The following AVEN variants were observed in gnomAD, a reference collection of about 807,000 sequenced individuals.
AVEN encodes apoptosis and caspase activation inhibitor.
A neutral mutation model predicts 38.1 loss-of-function variants in AVEN; 41 were observed. That is an observed-to-expected ratio of 1.08 (90% CI 0.84 to 1.40). The LOEUF is 1.40. AVEN is among the 40% of genes most tolerant of loss of function. AVEN has a pLI of 0.00. For missense variants in AVEN, 605 were observed against 438.8 expected (o/e 1.38, Z -3.38); for synonymous variants, 206 against 171.8 (o/e 1.20, Z -1.56).
intron 5 of AVEN, among the ~76,000 whole-genome samples, chr15:34,044,416 C>T (rs1338832812): frequency 6.6e-6 from 1 of 152,112 alleles, no homozygotes; most frequent in Non-Finnish European, 1.5e-5. Flanking sequence ...TTGTTGTTTC[C>T]AGAACAATAC....
chr15:34,053,091 G>C (rs1421664072), intron 5 of AVEN, among the ~76,000 whole-genome samples: 2 of 151,758 alleles, frequency 1.3e-5, no homozygotes, highest in Non-Finnish European at 2.9e-5. Context: ...CTTGAGATCA[G>C]GAATTTGAGA....
At chr15:33,938,793 C>G (rs575789374) in intron 2 of AVEN, among the ~76,000 whole-genome samples, 33 of 152,294 alleles carry the variant, frequency 2.2e-4, no homozygotes, top group Admixed American at 1.4e-3. Flanking sequence ...ATCATGCTCC[C>G]TACCAAACCG....
intron 2 of AVEN, among the ~76,000 whole-genome samples, chr15:33,976,059 C>T (rs1276439650): frequency 6.6e-6 from 1 of 152,208 alleles, no homozygotes; most frequent in Non-Finnish European, 1.5e-5. Context: ...CTGCAATTTA[C>T]TTGCTTTTGC....
At chr15:34,013,821 G>A (rs1897743077) in intron 1 of AVEN, among the ~76,000 whole-genome samples, 1 of 152,150 alleles carries the variant, frequency 6.6e-6, no homozygotes, top group South Asian at 2.1e-4. Flanking sequence ...ACAGGCTGAG[G>A]GAAGAGTATG....
chr15:34,017,484 GT>G (rs60119659), intron 1 of AVEN, among the ~76,000 whole-genome samples: 3,181 of 107,310 alleles, frequency 0.03, 93 homozygotes, highest in African/African-American at 0.074. Context: ...TTTTTTTTTT[GT>G]TTTTTTTTTT....
chr15:33,893,491 T>C (rs1720284660), intron 2 of AVEN, among the ~76,000 whole-genome samples: 2 of 152,104 alleles, frequency 1.3e-5, no homozygotes, highest in African/African-American at 4.8e-5. Flanking sequence ...AGCCCAGGAG[T>C]TGGGGGCTAC....
At chr15:34,048,566 C>T (rs1597387176) in intron 5 of AVEN, among the ~76,000 whole-genome samples, 1 of 151,858 alleles carries the variant, frequency 6.6e-6, no homozygotes, top group Non-Finnish European at 1.5e-5. Flanking sequence ...GGATGGAGCT[C>T]CCAGGAGGAG....
chr15:33,910,444 G>C (rs1047330454), intron 2 of AVEN, among the ~76,000 whole-genome samples: 2 of 152,198 alleles, frequency 1.3e-5, no homozygotes, highest in African/African-American at 4.8e-5. Context: ...TAAGAACTCA[G>C]GCCACAAAGG....
intron 2 of AVEN, among the ~76,000 whole-genome samples, chr15:33,929,821 A>G (rs1210935108): frequency 1.3e-5 from 2 of 152,246 alleles, no homozygotes; most frequent in Admixed American, 1.3e-4. Context: ...ATTGAAGCAG[A>G]TCAGCTTAAT....
At chr15:33,855,347 G>T (rs1211874738), downstream of AVEN, among the ~76,000 whole-genome samples, 1 of 152,206 alleles carries the variant, frequency 6.6e-6, no homozygotes, top group East Asian at 1.9e-4. Context: ...GGGATTACAG[G>T]CACATGCCAC....
chr15:33,876,984 TAGAATAC>T (rs1275762100), intron 2 of AVEN, among the ~76,000 whole-genome samples: 2 of 152,132 alleles, frequency 1.3e-5, no homozygotes, highest in African/African-American at 4.8e-5. Flanking sequence ...ACTGTAGAAT[TAGAATAC>T]AGAAAAGAGT....
intron 2 of AVEN, among the ~76,000 whole-genome samples, chr15:33,897,916 G>A (rs896969687): frequency 6.6e-6 from 1 of 151,162 alleles, no homozygotes; most frequent in Non-Finnish European, 1.5e-5. Flanking sequence ...TGGGCCGGGC[G>A]TGGTAGCTCA....
At chr15:33,905,609 G>C (rs1892669682) in intron 2 of AVEN, among the ~76,000 whole-genome samples, 1 of 152,164 alleles carries the variant, frequency 6.6e-6, no homozygotes, top group South Asian at 2.1e-4. Flanking sequence ...CCTATTGCTT[G>C]AGCTCAGGAG....
chr15:34,026,818 C>T (rs776137741), intron 1 of AVEN, among the ~76,000 whole-genome samples: 1 of 152,092 alleles, frequency 6.6e-6, no homozygotes, highest in African/African-American at 2.4e-5. Flanking sequence ...ACTTCCCCTG[C>T]GGTCTTTTGT....
At chr15:33,996,489 G>A (rs1028716420) in intron 2 of AVEN, among the ~76,000 whole-genome samples, 3 of 152,190 alleles carry the variant, frequency 2.0e-5, no homozygotes, top group Admixed American at 6.5e-5. Context: ...CCAGAGGAAG[G>A]ATCAGGCAGC....
At chr15:33,859,916 C>G (rs759398434) in intron 11 of AVEN, among the ~76,000 whole-genome samples, 2 of 152,152 alleles carry the variant, frequency 1.3e-5, no homozygotes, top group Non-Finnish European at 2.9e-5. Context: ...AATACACACC[C>G]AGGCACAGTT....
intron 2 of AVEN, among the ~76,000 whole-genome samples, chr15:33,995,400 A>G (rs1896892583): frequency 6.6e-6 from 1 of 152,264 alleles, no homozygotes; most frequent in South Asian, 2.1e-4. Flanking sequence ...AAGATGATTT[A>G]AAGTATATAA....
intron 2 of AVEN, among the ~76,000 whole-genome samples, chr15:33,990,228 A>G (rs1169904688): frequency 6.7e-6 from 1 of 148,382 alleles, no homozygotes; most frequent in African/African-American, 2.5e-5. Flanking sequence ...CAAAACAAAA[A>G]AAACTTAGCC....
chr15:33,998,344 G>T (rs1053921206), intron 2 of AVEN, among the ~76,000 whole-genome samples: 2 of 152,084 alleles, frequency 1.3e-5, no homozygotes, highest in Non-Finnish European at 2.9e-5. Flanking sequence ...TGTCTTAACT[G>T]GCCAAGCATA....
Sources: allele counts gnomAD v4.1 joint callset (sites outside exome capture counted in the v4.1 genomes callset), GRCh38; gene constraint gnomAD v4.1.1; transcripts MANE v1.5; gene names NCBI Gene and HGNC (gene_info 2026-07-23, HGNC 2026-07-21).